Variants in PCDHA3 observed in about 807,000 individuals in gnomAD.
PCDHA3 encodes protocadherin alpha-3.
In PCDHA3, 41 loss-of-function variants were observed where a neutral mutation model predicts 62.2. The observed-to-expected ratio is 0.66, with a 90% confidence interval of 0.51 to 0.86. The LOEUF (loss-of-function observed/expected upper bound fraction) is 0.86. PCDHA3 is among the 40% of genes least tolerant of loss of function. The pLI, the probability that PCDHA3 is intolerant of heterozygous loss-of-function variation, is 0.00. For synonymous variants in PCDHA3, 640 were observed against 555.4 expected, an observed-to-expected ratio of 1.15 and a Z score of -2.14; for missense variants, 1,304 against 1,241.2, an observed-to-expected ratio of 1.05 and a Z score of -0.76.
Position 140,908,048 on chromosome 5 carries a change from C to T in PCDHA3, c.2395-70901C>T, listed in dbSNP as rs143198443. On this transcript the variant is annotated intron_variant, in intron 1 of 3. Transcript: ENST00000522353. The stretch of plus-strand genomic sequence containing the variant: ...ATTAATCAGTATATAATTGCACATC[C>T]GGCCATTTCTCCTTCATGAAAAGTG... 1.1e-3 allele frequency among the ~76,000 whole-genome samples: 169 copies of T among 152,294 alleles called. 1 individual carries two copies. The East Asian group carries it at 0.023, about 21-fold the overall frequency.
intron 1 of PCDHA3, chr5:140,875,529 G>A: frequency 1.2e-6 from 2 of 1,614,112 alleles, no homozygotes; most frequent in South Asian, 1.1e-5. Context: ...TCTCGCTTCT[G>A]CTCCTTGCAG....
intron 1 of PCDHA3, chr5:140,968,789 G>T (rs782339889): frequency 1.9e-6 from 3 of 1,614,180 alleles, no homozygotes; most frequent in South Asian, 1.1e-5. Flanking sequence ...AGCCTCTGTG[G>T]CCATTACAGT....
Position 140,982,515 on chromosome 5 carries a change from C to A in PCDHA3, c.2494C>A (p.Pro832Thr), listed in dbSNP as rs1278779763. ...LEEAGILRAG[P>T]GGPDQQWPTV... ...GGAGGCTGGCATTCTACGGGCTGGT[C>A]CAGGAGGGCCTGATCAGCAGTGGCC... Residue 832 changes from proline (P) to threonine (T), a missense_variant, in exon 3 of 4, where the codon CCA becomes ACA. Pro to Thr is a conservative substitution (Grantham distance 38, BLOSUM62 -1). Transcript: ENST00000522353. 3 of 1,614,058 alleles carry A rather than the reference C, an allele frequency of 1.9e-6. No individual in the cohort carries two copies. Among genetic ancestry groups the A allele is most frequent in the Middle Eastern group, 1.6e-4 (1 of 6,080 alleles).
chr5:140,848,857 T>C (rs2150422920), intron 1 of PCDHA3: 1 of 1,590,410 alleles, frequency 6.3e-7, no homozygotes, highest in Non-Finnish European at 8.6e-7. Context: ...CATGTGGACG[T>C]GGAGGTGAAG....
intron 1 of PCDHA3, chr5:140,814,250 A>C (rs1436384389): frequency 6.6e-6 from 1 of 152,380 alleles, no homozygotes; most frequent in African/African-American, 2.4e-5. Context: ...AAATGAAGAT[A>C]TAAACACCCA....
chr5:140,840,576 A>C (rs1264610441), intron 1 of PCDHA3, among the ~76,000 whole-genome samples: 1 of 152,090 alleles, frequency 6.6e-6, no homozygotes, highest in African/African-American at 2.4e-5. Flanking sequence ...GGCATGTCAG[A>C]GAAATCATAA....
intron 1 of PCDHA3, among the ~76,000 whole-genome samples, chr5:140,961,205 T>A (rs1215243152): frequency 1.3e-5 from 2 of 152,172 alleles, no homozygotes; most frequent in African/African-American, 4.8e-5. Context: ...GAGGTTGGTA[T>A]TGATGAAGAA....
At chr5:140,877,189 G>A in intron 1 of PCDHA3, 1 of 1,613,808 alleles carries the variant, frequency 6.2e-7, no homozygotes, top group Non-Finnish European at 8.5e-7. Flanking sequence ...GGCTGGCAGC[G>A]CAGGAGGCGC....
intron 1 of PCDHA3, chr5:140,869,566 G>C (rs782325882): frequency 6.2e-7 from 1 of 1,614,178 alleles, no homozygotes; most frequent in Middle Eastern, 1.6e-4. Context: ...TTTTCCACTA[G>C]AGGGAGCTTC....
chr5:140,952,338 CAAA>C (rs55931446), intron 1 of PCDHA3, among the ~76,000 whole-genome samples: 80,539 of 134,836 alleles, frequency 0.6, 22,945 homozygotes, highest in African/African-American at 0.71. Context: ...AACTCCATCT[CAAA>C]AAAAAAAAAA....
rs1766618058 is a variant in PCDHA3, at chr5:140,819,764, T to G, written c.2394+16173T>G. On this transcript the variant is annotated intron_variant, in intron 1 of 3. Coordinates refer to ENST00000522353, the MANE Select transcript of PCDHA3 (RefSeq NM_018906.3). ...AAAAGTCAAGAGTCTTGTTTCCTCCTGAAATATCTATATAAGTACATGAGA... is the reference window on the plus strand; with the variant it reads ...AAAAGTCAAGAGTCTTGTTTCCTCCGGAAATATCTATATAAGTACATGAGA... 2.0e-5 allele frequency among the ~76,000 whole-genome samples: 3 copies of G among 152,058 alleles called. No individual in the cohort carries two copies. The South Asian group carries it at 6.2e-4, about 31-fold the overall frequency.
At chr5:140,870,702 G>A in intron 1 of PCDHA3, 2 of 1,613,072 alleles carry the variant, frequency 1.2e-6, no homozygotes, top group African/African-American at 1.3e-5. Context: ...TACAGTTCCA[G>A]GTGAGCGCGC....
chr5:140,979,020 C>T lies in PCDHA3; in HGVS notation c.2453+13C>T. The T allele has an allele frequency of 6.2e-7, 1 of 1,613,708 alleles. No individual in the cohort carries two copies. Among genetic ancestry groups the T allele is most frequent in the Non-Finnish European group, 8.5e-7 (1 of 1,179,840 alleles). On this transcript the variant is annotated intron_variant, in intron 2 of 3. Transcript: ENST00000522353. ...CAGGCATGCACAGGTATGTATTTCC[C>T]TCCTCATTCACTCAGAAGTAACCTT...
chr5:140,856,960 T>C, intron 1 of PCDHA3: 2 of 1,593,258 alleles, frequency 1.3e-6, no homozygotes, highest in Non-Finnish European at 8.6e-7. Flanking sequence ...TAAAAGTAAA[T>C]GATGCTATTG....
chr5:140,882,660 C>G lies in PCDHA3; in HGVS notation c.2394+79069C>G, dbSNP rs147326638. Reference sequence around the variant, plus strand: ...GTGAGGGACATTAACGACAACCCGCCCATATTCCCTGAAAGCAAGAAACGA... The same window carrying G: ...GTGAGGGACATTAACGACAACCCGCGCATATTCCCTGAAAGCAAGAAACGA... On this transcript the variant is annotated intron_variant, in intron 1 of 3. Coordinates refer to ENST00000522353, the MANE Select transcript of PCDHA3 (RefSeq NM_018906.3). 14 of 1,614,090 alleles carry G rather than the reference C, an allele frequency of 8.7e-6. No individual in the cohort carries two copies. Among genetic ancestry groups the G allele is most frequent in the African/African-American group, 1.3e-5 (1 of 74,928 alleles).
intron 1 of PCDHA3, chr5:140,867,855 G>T (rs1340065029): frequency 6.6e-6 from 1 of 151,976 alleles, no homozygotes; most frequent in African/African-American, 2.4e-5. Context: ...TAGTTGAATT[G>T]TTTGATTAAT....
At chr5:140,841,722 G>T in intron 1 of PCDHA3, 1 of 1,613,870 alleles carries the variant, frequency 6.2e-7, no homozygotes, top group Non-Finnish European at 8.5e-7. Flanking sequence ...CCAGTGTTCC[G>T]GGTAAAAGAC....
intron 1 of PCDHA3, among the ~76,000 whole-genome samples, chr5:140,844,768 A>T (rs1393126027): frequency 6.7e-6 from 1 of 149,242 alleles, no homozygotes; most frequent in African/African-American, 2.5e-5. Context: ...AAAATCCAAG[A>T]TACTTTATTT....
intron 1 of PCDHA3, among the ~76,000 whole-genome samples, chr5:140,917,087 C>G (rs1275905052): frequency 6.6e-6 from 1 of 152,100 alleles, no homozygotes; most frequent in Non-Finnish European, 1.5e-5. Flanking sequence ...GTAAAGTTCC[C>G]CAGTTGCTGT....
Sources: gnomAD v4.1 joint callset for allele counts (sites outside exome capture counted in the v4.1 genomes callset) on GRCh38, gnomAD v4.1.1 for gene constraint, MANE v1.5 for transcripts, NCBI Gene and HGNC (gene_info 2026-07-23, HGNC 2026-07-21) for gene names.